The following ARHGEF26 variants were observed in gnomAD, a reference collection of about 807,000 sequenced individuals.
ARHGEF26 encodes Rho guanine nucleotide exchange factor 26.
In ARHGEF26, 59 loss-of-function variants were observed where a neutral mutation model predicts 89.4. The observed-to-expected ratio is 0.66, with a 90% confidence interval of 0.54 to 0.82. The LOEUF (loss-of-function observed/expected upper bound fraction) is 0.82. Ranked by LOEUF, ARHGEF26 falls within the 40% of genes least tolerant of loss-of-function variation. The pLI, the probability that ARHGEF26 is intolerant of heterozygous loss-of-function variation, is 0.00. For synonymous variants in ARHGEF26, 500 were observed against 428.4 expected, an observed-to-expected ratio of 1.17 and a Z score of -2.06; for missense variants, 1,234 against 1,085.6, an observed-to-expected ratio of 1.14 and a Z score of -1.92.
chr3:154,248,684 AT>A (rs1258612010), intron 12 of ARHGEF26, among the ~76,000 whole-genome samples: 1 of 152,186 alleles, frequency 6.6e-6, no homozygotes, highest in Non-Finnish European at 1.5e-5. Context: ...TCTGGACCAG[AT>A]TTTTTAGGTC....
chr3:154,204,811 A>G lies in ARHGEF26; in HGVS notation c.1845+10093A>G, dbSNP rs530718248. Among the ~76,000 whole-genome samples the G allele has an allele frequency of 5.9e-5, 9 of 152,162 alleles. No individual in the cohort carries two copies. The South Asian group carries it at 8.3e-4, about 14-fold the overall frequency. ...TTCAGGAGCATATTTTTTAATTTCT[A>G]TGTATTTGTACACGTTCCAAAATTC... On this transcript the variant is annotated intron_variant, in intron 9 of 14. Transcript: ENST00000465093.
intron 13 of ARHGEF26, 41 bp from the exon 14 acceptor site, chr3:154,254,679 C>A: frequency 6.6e-7 from 1 of 1,508,874 alleles, no homozygotes; most frequent in Non-Finnish European, 9.2e-7. Context: ...CATGTTTTTT[C>A]TCTGCTACTG....
intron 6 of ARHGEF26, among the ~76,000 whole-genome samples, chr3:154,185,214 T>C (rs1334453769): frequency 6.6e-6 from 1 of 152,148 alleles, no homozygotes; most frequent in East Asian, 1.9e-4. Context: ...ACCAATTGTG[T>C]GTCCTACAGT....
Position 154,225,904 on chromosome 3 carries a change from T to C in ARHGEF26, c.1984T>C (p.Leu662=), listed in dbSNP as rs748407674. The C allele has an allele frequency of 1.2e-6, 2 of 1,610,930 alleles. No homozygotes were observed. Among genetic ancestry groups the C allele is most frequent in the Non-Finnish European group, 1.7e-6 (2 of 1,178,454 alleles). The change falls in exon 11 of 15, where the codon TTG becomes CTG. Residue 662 remains leucine (L), a synonymous_variant. Transcript: ENST00000465093. ...SSRWLVKRGE[L]TAYVEDTVLF... is the part of the protein sequence containing the mutation. ...CCGGTGGTTGGTAAAAAGAGGTGAA[T>C]TGACAGCCTATGTTGAAGACACTGT...
intron 4 of ARHGEF26, among the ~76,000 whole-genome samples, chr3:154,130,525 C>T (rs1248947669): frequency 6.6e-6 from 1 of 152,128 alleles, no homozygotes; most frequent in Non-Finnish European, 1.5e-5. Context: ...CATCTCTGTG[C>T]CTTTTTTGTA....
chr3:154,210,417 G>A (rs1559901092), intron 9 of ARHGEF26, among the ~76,000 whole-genome samples: 1 of 151,976 alleles, frequency 6.6e-6, no homozygotes, highest in Non-Finnish European at 1.5e-5. Flanking sequence ...CCCTTCTGGC[G>A]ATTCTCATGC....
At chr3:154,179,084 C>T (rs1332966472) in intron 6 of ARHGEF26, among the ~76,000 whole-genome samples, 2 of 152,146 alleles carry the variant, frequency 1.3e-5, no homozygotes, top group African/African-American at 4.8e-5. Context: ...TATACAAGCA[C>T]TAGATGTTTC....
intron 4 of ARHGEF26, among the ~76,000 whole-genome samples, chr3:154,145,434 C>G (rs1719639850): frequency 6.6e-6 from 1 of 152,184 alleles, no homozygotes; most frequent in South Asian, 2.1e-4. Flanking sequence ...TTACTTTCAG[C>G]AAATGGGTAA....
intron 10 of ARHGEF26, among the ~76,000 whole-genome samples, chr3:154,224,349 T>C (rs1461966173): frequency 6.6e-6 from 1 of 152,202 alleles, no homozygotes; most frequent in Non-Finnish European, 1.5e-5. Flanking sequence ...GGTAGAAATT[T>C]AGTTTTGCCC....
At chr3:154,208,688 C>A (rs1329653177) in intron 9 of ARHGEF26, among the ~76,000 whole-genome samples, 1 of 151,330 alleles carries the variant, frequency 6.6e-6, no homozygotes, top group East Asian at 1.9e-4. Context: ...TGTCTTCAAG[C>A]TCACTAATTT....
chr3:154,144,951 A>T (rs1719609356), intron 4 of ARHGEF26, among the ~76,000 whole-genome samples: 1 of 152,120 alleles, frequency 6.6e-6, no homozygotes, highest in Admixed American at 6.6e-5. Flanking sequence ...TCTTTCCTTA[A>T]AAAAAGCGTT....
At chr3:154,195,662 A>G (rs1340975526) in intron 9 of ARHGEF26, among the ~76,000 whole-genome samples, 3 of 152,188 alleles carry the variant, frequency 2.0e-5, no homozygotes, top group Non-Finnish European at 4.4e-5. Flanking sequence ...GGGAGAGTGG[A>G]TAAGTTCCAT....
chr3:154,166,130 C>T (rs1049651318), intron 6 of ARHGEF26, among the ~76,000 whole-genome samples: 2 of 152,172 alleles, frequency 1.3e-5, no homozygotes, highest in Non-Finnish European at 1.5e-5. Context: ...CAGCCTCTGC[C>T]TTCCATGTTC....
Position 154,149,294 on chromosome 3 carries a change from A to C in ARHGEF26, c.1270-95A>C. The C allele has an allele frequency of 1.2e-5, 10 of 826,022 alleles. No homozygotes were observed. The South Asian group carries it at 2.4e-4, about 20-fold the overall frequency. 51.2% of individuals were successfully genotyped at this position (826,022 alleles called of 1,614,324 possible). A position where few individuals can be genotyped will look rare whatever the true frequency, so the allele number is the denominator to read the frequency against. On this transcript the variant is annotated intron_variant, in intron 4 of 14. Transcript: ENST00000465093. ...CATTTTGTATAGTTTCTCCTAATTC[A>C]TTTTTGAAGGGCATAGAGTTATGCC...
In ARHGEF26 at chr3:154,123,065, G is replaced by A; in HGVS notation, c.1073G>A (p.Gly358Glu). The change falls in exon 2 of 15, where the codon GGA (glycine) becomes GAA (glutamate). Residue 358 changes from glycine to glutamate, a missense_variant. Physicochemically the swap from Gly to Glu is moderately conservative, Grantham distance 98. Transcript: ENST00000465093. ...GACAAGGAGAAGTTTTCCAGTCTGG[G>A]AAGGATAAAGGTAAAAGTGGGCAGG... ...MEDKEKFSSLGRIKKKMLKGQ... is the reference protein window; with the variant it reads ...MEDKEKFSSLERIKKKMLKGQ... 3 of 1,613,892 alleles carry A rather than the reference G, an allele frequency of 1.9e-6. No homozygotes were observed. The highest frequency in any genetic ancestry group is 1.6e-4 in the Middle Eastern group (1 of 6,062).
intron 6 of ARHGEF26, among the ~76,000 whole-genome samples, chr3:154,177,242 G>A (rs1273289305): frequency 1.3e-5 from 2 of 152,144 alleles, no homozygotes; most frequent in African/African-American, 4.8e-5. Context: ...CAGCAGCTTG[G>A]TTATGGTCAA....
At chr3:154,213,140 T>C (rs897461933) in intron 9 of ARHGEF26, among the ~76,000 whole-genome samples, 2 of 152,080 alleles carry the variant, frequency 1.3e-5, no homozygotes, top group Admixed American at 6.6e-5. Context: ...CTATTAATCT[T>C]TGTTAATTTG....
At chr3:154,233,450 T>G (rs1716932205) in intron 11 of ARHGEF26, among the ~76,000 whole-genome samples, 1 of 152,182 alleles carries the variant, frequency 6.6e-6, no homozygotes, top group African/African-American at 2.4e-5. Context: ...GGAAACAAGT[T>G]GAAATCTACA....
chr3:154,132,784 G>A (rs889503314), intron 4 of ARHGEF26, among the ~76,000 whole-genome samples: 30 of 151,992 alleles, frequency 2.0e-4, no homozygotes, highest in Non-Finnish European at 4.1e-4. Context: ...TAAATACCTA[G>A]TATAATGTAT....
Sources: allele counts gnomAD v4.1 joint callset (sites outside exome capture counted in the v4.1 genomes callset), GRCh38; gene constraint gnomAD v4.1.1; transcripts MANE v1.5; gene names NCBI Gene and HGNC (gene_info 2026-07-23, HGNC 2026-07-21).